HOOK3: variants seen among roughly 807,000 people sequenced by gnomAD.
The protein encoded by HOOK3 is protein Hook homolog 3.
In HOOK3, 24 loss-of-function variants were observed where a neutral mutation model predicts 116.3. The ratio of observed to expected loss-of-function variants is 0.21; its 90% CI spans 0.15 to 0.29. The LOEUF is 0.29. Among genes scored for constraint, HOOK3 ranks in the 10% least tolerant of loss-of-function variants. The probability of loss-of-function intolerance (pLI) is 1.00; values close to 1 mark genes in which losing one functional copy is unlikely to be tolerated. For missense variants in HOOK3, 632 were observed against 830.2 expected, an observed-to-expected ratio of 0.76 and a Z score of 2.93; for synonymous variants, 275 against 283.0, an observed-to-expected ratio of 0.97 and a Z score of 0.28.
intron 15 of HOOK3, among the ~76,000 whole-genome samples, 194 bp from the exon 16 acceptor site, chr8:42,997,356 C>T (rs1035210188): frequency 2.0e-5 from 3 of 152,158 alleles, no homozygotes; most frequent in Non-Finnish European, 2.9e-5. Flanking sequence ...AGTCATCATT[C>T]GAAATTTCAA....
intron 2 of HOOK3, among the ~76,000 whole-genome samples, chr8:42,907,811 C>G (rs773072): frequency 9.5e-6 from 1 of 105,376 alleles, no homozygotes; most frequent in African/African-American, 3.7e-5. Context: ...ACCGGAGCAA[C>G]GAGGCAAAAA....
At chr8:42,906,697 A>G (rs1432501541) in intron 2 of HOOK3, among the ~76,000 whole-genome samples, 1 of 152,098 alleles carries the variant, frequency 6.6e-6, no homozygotes, top group Non-Finnish European at 1.5e-5. Context: ...TCTTCTTTCA[A>G]GTTTGTGACA....
At position 42,906,200 on chromosome 8, in the gene HOOK3, T is replaced by C. The variant is rs1293496847; in HGVS notation, c.85T>C (p.Cys29Arg). 2.4e-6 allele frequency: 3 copies of C among 1,275,468 alleles called. No homozygotes were observed. The highest frequency in any genetic ancestry group is 3.2e-6 in the Non-Finnish European group (3 of 936,826). The allele number at this position is 1,275,468 out of a possible 1,614,324, so 79.0% of individuals were successfully genotyped here. A position where few individuals can be genotyped will look rare whatever the true frequency, so the allele number is the denominator to read the frequency against. The stretch of plus-strand genomic sequence containing the variant: ...CCAGACATTTAATGTGGATGCACCA[T>C]GCCAGACCGTGGAAGATTTAACGAA... ...WIQTFNVDAP[C>R]QTVEDLTNGV... The change falls in exon 2 of 22, where the codon TGC (cysteine) becomes CGC (arginine). Residue 29 changes from cysteine to arginine, a missense_variant. Physicochemically the swap from Cys to Arg is radical, Grantham distance 180 (BLOSUM62 -3). Coordinates refer to ENST00000307602, the MANE Select transcript of HOOK3 (RefSeq NM_032410.4).
At chr8:42,930,093 AC>A in intron 3 of HOOK3, 28 bp from the exon 4 acceptor site, 1 of 1,549,930 alleles carries the variant, frequency 6.5e-7, no homozygotes, top group Non-Finnish European at 8.7e-7. Context: ...CTTGCCTTTT[AC>A]CCAGTTGTTT....
At chr8:42,925,072 TTTTG>T (rs1224847701) in intron 2 of HOOK3, among the ~76,000 whole-genome samples, 2 of 152,124 alleles carry the variant, frequency 1.3e-5, no homozygotes, top group African/African-American at 4.8e-5. Flanking sequence ...TTGACTGTTT[TTTTG>T]TTGTTGTTGT....
At chr8:42,948,153 G>A (rs192200550) in intron 5 of HOOK3, among the ~76,000 whole-genome samples, 283 of 152,228 alleles carry the variant, frequency 1.9e-3, no homozygotes, top group Non-Finnish European at 2.8e-3. Context: ...TAAGTGTTAT[G>A]TGACTTGCCC....
rs572662134 is a variant in HOOK3 at position 42,936,685 on chromosome 8, A to G, written c.267+6513A>G. Among the ~76,000 whole-genome samples the G allele has an allele frequency of 5.3e-5, 8 of 152,270 alleles. No homozygotes were observed. The East Asian group carries it at 1.3e-3, about 26-fold the overall frequency. On this transcript the variant is annotated intron_variant, in intron 4 of 21. Transcript: ENST00000307602. ...GTCATTGGTTCTGTTTATGTGATGT[A>G]TTATGTTTACTGATTTGAGTATGTT...
At chr8:43,007,823 G>A (rs1809522342) in intron 17 of HOOK3, 24 bp from the exon 18 acceptor site, 1 of 1,448,142 alleles carries the variant, frequency 6.9e-7, no homozygotes, top group African/African-American at 1.4e-5. Flanking sequence ...GCAGTAGTAG[G>A]TGATGTTTAC....
At chr8:43,008,231 G>A (rs900720757) in intron 18 of HOOK3, among the ~76,000 whole-genome samples, 1 of 151,926 alleles carries the variant, frequency 6.6e-6, no homozygotes, top group Non-Finnish European at 1.5e-5. Context: ...TGTTAGCCAG[G>A]ATGGTTTCGA....
intron 17 of HOOK3, 124 bp downstream of exon 17, chr8:43,002,265 C>T (rs1809395574): frequency 1.5e-6 from 1 of 662,660 alleles, no homozygotes; most frequent in East Asian, 2.7e-5. Context: ...AATTATAATA[C>T]ATATTATGAG....
intron 4 of HOOK3, among the ~76,000 whole-genome samples, chr8:42,941,350 C>T (rs928807577): frequency 1.0e-4 from 15 of 150,614 alleles, no homozygotes; most frequent in Middle Eastern, 3.4e-3. Context: ...CCCATCTCTA[C>T]TAAAAATACA....
At chr8:42,910,482 G>T (rs935476058) in intron 2 of HOOK3, among the ~76,000 whole-genome samples, 12 of 152,006 alleles carry the variant, frequency 7.9e-5, no homozygotes, top group Non-Finnish European at 1.6e-4. Flanking sequence ...GAACTTTCCA[G>T]CTCCTCGCTA....
At chr8:42,931,606 G>C (rs1807874759) in intron 4 of HOOK3, among the ~76,000 whole-genome samples, 1 of 149,492 alleles carries the variant, frequency 6.7e-6, no homozygotes, top group Admixed American at 6.6e-5. Context: ...TAATTTTTTT[G>C]TATTTTTAGT....
At chr8:42,975,736 C>G (rs34812675) in intron 13 of HOOK3, among the ~76,000 whole-genome samples, 10,542 of 152,196 alleles carry the variant, frequency 0.069, 547 homozygotes, top group Middle Eastern at 0.15. Flanking sequence ...GACGGAGTCT[C>G]GCTCTGTCAC....
chr8:42,939,504 CGGCTGGCCGGGCGGGGG>C (rs1808053049), intron 4 of HOOK3, among the ~76,000 whole-genome samples: 1 of 143,788 alleles, frequency 7.0e-6, no homozygotes, highest in Non-Finnish European at 1.5e-5. Context: ...CCGGACGGGG[CGGCTGGCCGGGCGGGGG>C]GCTGATCCCC....
Position 43,019,715 on chromosome 8 carries a change from A to G in HOOK3, c.*1217A>G, listed in dbSNP as rs1336634413. The stretch of plus-strand genomic sequence containing the variant: ...ATAATCATTGTAAAGCACTTTGTAT[A>G]TATAAGGTGCTATATAAGTGTGAAA... On this transcript the variant is annotated 3_prime_UTR_variant, in exon 22 of 22. Transcript: ENST00000307602. The G allele has an allele frequency of 4.9e-6, 1 of 204,648 alleles. No individual in the cohort carries two copies. The highest frequency in any genetic ancestry group is 7.7e-5 in the East Asian group (1 of 13,050). The allele number at this position is 204,648 out of a possible 1,614,324, so 12.7% of individuals were successfully genotyped here.
At chr8:42,975,461 GGT>G (rs201259551) in intron 13 of HOOK3, among the ~76,000 whole-genome samples, 2,466 of 152,274 alleles carry the variant, frequency 0.016, 30 homozygotes, top group Non-Finnish European at 0.022. Context: ...CAAGATGATA[GGT>G]GCTATAATTG....
At position 43,013,415 on chromosome 8, in the gene HOOK3, C is replaced by T; in HGVS notation, c.2016+15C>T. 1.3e-6 allele frequency: 2 copies of T among 1,551,348 alleles called. No individual in the cohort carries two copies. The highest frequency in any genetic ancestry group is 1.7e-6 in the Non-Finnish European group (2 of 1,152,128). The stretch of plus-strand genomic sequence containing the variant: ...GGTACAATATGGTAAGAAAATAGTA[C>T]TTTGGAGCATAATGAAAACTTCAAT... On this transcript the variant is annotated intron_variant, in intron 21 of 21. Transcript: ENST00000307602.
intron 4 of HOOK3, among the ~76,000 whole-genome samples, chr8:42,934,121 C>T (rs1211086991): frequency 6.6e-6 from 1 of 151,682 alleles, no homozygotes; most frequent in African/African-American, 2.4e-5. Context: ...TCTTTCTGAA[C>T]TATTTAGCTA....
Sources: gnomAD v4.1 joint callset for allele counts (sites outside exome capture counted in the v4.1 genomes callset) on GRCh38, gnomAD v4.1.1 for gene constraint, MANE v1.5 for transcripts, NCBI Gene and HGNC (gene_info 2026-07-23, HGNC 2026-07-21) for gene names.